The following C1orf162 variants were observed in gnomAD, a reference collection of about 807,000 sequenced individuals.
C1orf162 encodes transmembrane protein C1orf162.
In C1orf162, 10 loss-of-function variants were observed where a neutral mutation model predicts 11.4. The observed-to-expected ratio is 0.88, with a 90% confidence interval of 0.54 to 1.48. C1orf162 has a LOEUF of 1.48. C1orf162 is among the 40% of genes most tolerant of loss of function. The pLI, the probability that C1orf162 is intolerant of heterozygous loss-of-function variation, is 0.00. For synonymous variants in C1orf162, 53 were observed against 55.0 expected, an observed-to-expected ratio of 0.96 and a Z score of 0.16; for missense variants, 140 against 149.5, an observed-to-expected ratio of 0.94 and a Z score of 0.33.
In C1orf162 at chr1:111,477,752, C is replaced by T; in HGVS notation, c.229C>T (p.Pro77Ser). 1.2e-6 allele frequency: 2 copies of T among 1,614,106 alleles called. No homozygotes were observed. Among genetic ancestry groups the T allele is most frequent in the Non-Finnish European group, 1.7e-6 (2 of 1,180,022 alleles). The change falls in exon 5 of 6, where the codon CCT becomes TCT. Residue 77 changes from proline to serine, a missense_variant. Physicochemically the swap from Pro to Ser is moderately conservative, Grantham distance 74. Coordinates refer to ENST00000369718, the MANE Select transcript of C1orf162 (RefSeq NM_001300834.2). Reference protein sequence around the residue: ...KYHSKPQAPDPHSDPPAKLSS... With the variant: ...KYHSKPQAPDSHSDPPAKLSS... ...TCACTCCAAGCCCCAGGCCCCAGAT[C>T]CTCACTCAGATCCTCCAGCCAAGGT...
rs1235742254 is a variant in C1orf162 at position 111,478,465 on chromosome 1, C to A, written c.*342C>A. 8.5e-6 allele frequency: 2 copies of A among 236,290 alleles called. No homozygotes were observed. The highest frequency in any genetic ancestry group is 1.0e-4 in the Admixed American group (2 of 20,052). The allele number at this position is 236,290 out of a possible 1,614,324, so 14.6% of individuals were successfully genotyped here. On this transcript the variant is annotated 3_prime_UTR_variant, in exon 6 of 6. Coordinates refer to ENST00000369718, the MANE Select transcript of C1orf162 (RefSeq NM_001300834.2). ...ATGAATCAACTTGGGAGGAGTCAAC[C>A]AAATGAACAATCTACCAAAAATTTC...
At chr1:111,477,236 A>C in intron 3 of C1orf162, 98 bp from the exon 4 acceptor site, 1 of 1,068,808 alleles carries the variant, frequency 9.4e-7, no homozygotes, top group Non-Finnish European at 1.4e-6. Flanking sequence ...TGTGAAAACC[A>C]TTTCAGGAGT....
chr1:111,476,981 C>G (rs1654013610), intron 3 of C1orf162, 114 bp downstream of exon 3: 3 of 1,164,602 alleles, frequency 2.6e-6, no homozygotes, highest in Non-Finnish European at 3.9e-6. Context: ...GGACTAGAAA[C>G]AGTAAAAGAA....
In C1orf162 at chr1:111,476,290, CA is replaced by C. The variant is rs543135752; in HGVS notation, c.37+228del. 8.4e-4 allele frequency among the ~76,000 whole-genome samples: 128 copies of C among 152,254 alleles called. 1 individual carries two copies. Among genetic ancestry groups the C allele is most frequent in the African/African-American group, 2.5e-3 (103 of 41,538 alleles). ...AGTAAAGGGTGTCTCTGCTCAATAT[CA>C]AACTAGGTGGGTCCTGCTCCCCTAT... On this transcript the variant is annotated intron_variant, in intron 2 of 5. Coordinates refer to ENST00000369718, the MANE Select transcript of C1orf162 (RefSeq NM_001300834.2).
At chr1:111,476,687 C>T (rs1174128396) in intron 2 of C1orf162, 111 bp from the exon 3 acceptor site, 3 of 985,216 alleles carry the variant, frequency 3.0e-6, no homozygotes, top group Non-Finnish European at 4.9e-6. Context: ...GCAGCCCCAT[C>T]CTTAATTTCC....
At position 111,478,039 on chromosome 1, in the gene C1orf162, A is replaced by G. The variant is rs756153490; in HGVS notation, c.309A>G (p.Ser103=). ...ATGCCAGCACAACTTTCAAACTCTCAGAAGAAAAGAGCAATCACTTGGCTG... is the reference window on the plus strand; with the variant it reads ...ATGCCAGCACAACTTTCAAACTCTCGGAAGAAAAGAGCAATCACTTGGCTG... ...LTYASTTFKL[S]EEKSNHLAEN... The change falls in exon 6 of 6, where the codon TCA becomes TCG. Residue 103 remains serine (S), a synonymous_variant. Transcript: ENST00000369718. The G allele has an allele frequency of 1.2e-6, 2 of 1,613,778 alleles. No individual in the cohort carries two copies. Among genetic ancestry groups the G allele is most frequent in the African/African-American group, 2.7e-5 (2 of 74,930 alleles).
chr1:111,476,856 T>A lies in C1orf162; in HGVS notation c.96T>A (p.Ser32=), dbSNP rs1419089498. Residue 32 remains serine, a synonymous_variant, in exon 3 of 6, where the codon TCT becomes TCA. Transcript: ENST00000369718. ...APTTSPAPCL[S]NHHNKKHLIL... ...CAACTAGCCCTGCACCCTGTCTCTC[T>A]AACCACCACAAGTAAATGAGCATTC... The A allele has an allele frequency of 3.7e-6, 6 of 1,613,784 alleles. No individual in the cohort carries two copies. Among genetic ancestry groups the A allele is most frequent in the Non-Finnish European group, 5.1e-6 (6 of 1,179,786 alleles).
intron 3 of C1orf162, 108 bp downstream of exon 3, chr1:111,476,975 T>A: frequency 8.4e-7 from 1 of 1,196,240 alleles, no homozygotes; most frequent in Non-Finnish European, 1.2e-6. Flanking sequence ...GAGAAAGGAC[T>A]AGAAACAGTA....
intron 1 of C1orf162, 39 bp from the exon 2 acceptor site, chr1:111,475,979 C>T (rs1653974612): frequency 6.3e-7 from 1 of 1,578,392 alleles, no homozygotes; most frequent in Non-Finnish European, 8.7e-7. Context: ...CCGGCTCTCC[C>T]TTCCAAGCTT....
intron 1 of C1orf162, chr1:111,474,594 G>T (rs1053876651): frequency 2.3e-4 from 35 of 152,188 alleles, no homozygotes; most frequent in African/African-American, 8.0e-4. Flanking sequence ...ATGATGGTCT[G>T]CAAAGAGCAC....
Position 111,477,315 on chromosome 1 carries a change from C to A in C1orf162, c.108-19C>A. 1 of 1,602,958 alleles carries A rather than the reference C, an allele frequency of 6.2e-7. No individual in the cohort carries two copies. Among genetic ancestry groups the A allele is most frequent in the East Asian group, 2.2e-5 (1 of 44,824 alleles). On this transcript the variant is annotated intron_variant, in intron 3 of 5. Transcript: ENST00000369718. ...CAAAAGCCCAACAGTTCATCCCCTG[C>A]CTTTCTTTGCCAAAACAGCAAAAAA...
At chr1:111,476,185 A>C (rs952264371) in intron 2 of C1orf162, 120 bp downstream of exon 2, 2 of 989,954 alleles carry the variant, frequency 2.0e-6, no homozygotes, top group African/African-American at 3.2e-5. Flanking sequence ...GGAAGAATCC[A>C]ATTTTACCAG....
At chr1:111,477,532 A>T in intron 4 of C1orf162, 104 bp downstream of exon 4, 1 of 1,481,118 alleles carries the variant, frequency 6.8e-7, no homozygotes, top group Non-Finnish European at 9.4e-7. Context: ...GTGCAGTGTG[A>T]TAAAACCTGC....
At chr1:111,477,631 C>G in intron 4 of C1orf162, 95 bp from the exon 5 acceptor site, 1 of 1,610,184 alleles carries the variant, frequency 6.2e-7, no homozygotes, top group Non-Finnish European at 8.5e-7. Flanking sequence ...ACCTCCTCCC[C>G]ACCCCACCCT....
rs1035532924 is a variant in C1orf162 at position 111,476,985 on chromosome 1, A to G, written c.107+118A>G. The G allele has an allele frequency of 2.5e-5, 28 of 1,132,868 alleles. No individual in the cohort carries two copies. In the South Asian group the frequency reaches 3.4e-4, roughly 14 times the overall value. The allele number at this position is 1,132,868 out of a possible 1,614,324, so 70.2% of individuals were successfully genotyped here. ...CTGGGGAGAAAGGACTAGAAACAGT[A>G]AAAGAACAAAGTCAGTTTGTGATCT... On this transcript the variant is annotated intron_variant, in intron 3 of 5. Coordinates refer to ENST00000369718, the MANE Select transcript of C1orf162 (RefSeq NM_001300834.2).
chr1:111,478,270 C>A lies in C1orf162; in HGVS notation c.*147C>A. On this transcript the variant is annotated 3_prime_UTR_variant, in exon 6 of 6. Coordinates refer to ENST00000369718, the MANE Select transcript of C1orf162 (RefSeq NM_001300834.2). ...TTAGATGTGATCTGGCAATGCTATC[C>A]AGCATCTTTGGAGACCAATGGTCAG... 1 of 931,978 alleles carries A rather than the reference C, an allele frequency of 1.1e-6. No individual in the cohort carries two copies. The highest frequency in any genetic ancestry group is 1.6e-6 in the Non-Finnish European group (1 of 613,682). 57.7% of individuals were successfully genotyped at this position (931,978 alleles called of 1,614,324 possible). A position where few individuals can be genotyped will look rare whatever the true frequency, so the allele number is the denominator to read the frequency against.
chr1:111,475,908 A>G, intron 1 of C1orf162, 110 bp from the exon 2 acceptor site: 1 of 783,862 alleles, frequency 1.3e-6, no homozygotes, highest in Non-Finnish European at 2.2e-6. Context: ...AACACCCACA[A>G]ATTGCCTCTC....
At position 111,473,996 on chromosome 1, in the gene C1orf162, CTGCGTCG is replaced by C. The variant is rs1292151918; in HGVS notation, c.-42_-36del. 27 of 152,254 alleles carry C rather than the reference CTGCGTCG, an allele frequency of 1.8e-4. No homozygotes were observed. Among genetic ancestry groups the C allele is most frequent in the African/African-American group, 6.5e-4 (27 of 41,472 alleles). 9.4% of individuals were successfully genotyped at this position (152,254 alleles called of 1,614,324 possible). A position where few individuals can be genotyped will look rare whatever the true frequency, so the allele number is the denominator to read the frequency against. The stretch of plus-strand genomic sequence containing the variant: ...AAGTGAAATGCTCAGTCTTAGACGA[CTGCGTCG>C]TGCTATGACCGGACTTTTTCTTGAA... On this transcript the variant is annotated 5_prime_UTR_variant, in exon 1 of 6. Transcript: ENST00000369718.
chr1:111,477,604 C>T (rs562558319), intron 4 of C1orf162, 122 bp from the exon 5 acceptor site: 26 of 1,566,048 alleles, frequency 1.7e-5, no homozygotes, highest in East Asian at 1.6e-4. Context: ...CGCCCTGCCC[C>T]CCACCCACCT....
Sources: gnomAD v4.1 joint callset for allele counts (sites outside exome capture counted in the v4.1 genomes callset) on GRCh38, gnomAD v4.1.1 for gene constraint, MANE v1.5 for transcripts, NCBI Gene and HGNC (gene_info 2026-07-23, HGNC 2026-07-21) for gene names.